Variants in NPAS2 observed in about 807,000 individuals in gnomAD.
NPAS2 encodes the protein neuronal PAS domain-containing protein 2.
A neutral mutation model predicts 107.5 loss-of-function variants in NPAS2; 23 were observed. The ratio of observed to expected loss-of-function variants is 0.21; its 90% CI spans 0.15 to 0.30. The LOEUF is 0.30. Ranked by LOEUF, NPAS2 falls within the 10% of genes least tolerant of loss-of-function variation. NPAS2 has a pLI of 1.00. For synonymous variants in NPAS2, 403 were observed against 417.5 expected (o/e 0.97, Z 0.42); for missense variants, 756 against 1,043.3 (o/e 0.72, Z 3.79).
At chr2:100,884,771 C>G (rs1260867284) in intron 1 of NPAS2, among the ~76,000 whole-genome samples, 1 of 151,960 alleles carries the variant, frequency 6.6e-6, no homozygotes, top group South Asian at 2.1e-4. Flanking sequence ...GGAGGAAAGA[C>G]TCAAAGGAGT....
chr2:100,818,961 T>A (rs1395859572), upstream of NPAS2, among the ~76,000 whole-genome samples: 1 of 152,146 alleles, frequency 6.6e-6, no homozygotes, highest in Non-Finnish European at 1.5e-5. Context: ...TCTCCGGTTT[T>A]CACCGGCTCT....
chr2:100,977,791 A>G lies in NPAS2; in HGVS notation c.1474A>G (p.Met492Val), dbSNP rs200963442. The change falls in exon 15 of 21, where the codon ATG becomes GTG. Residue 492 changes from methionine (M) to valine (V), a missense_variant. Met to Val is a conservative substitution (Grantham distance 21). This residue lies in a region of NPAS2 where 496 missense variants were observed against 594.4 expected (regional missense o/e 0.83). Transcript: ENST00000335681. The stretch of plus-strand genomic sequence containing the variant: ...CGTTCTGCAGAGCACGCCCGCTCCC[A>G]TGGCACAGGTGAGTCTGGGACCCAG... ...QTVLQSTPAP[M>V]AQFSAQFSMF... The G allele has an allele frequency of 1.2e-6, 2 of 1,613,794 alleles. No homozygotes were observed. The highest frequency in any genetic ancestry group is 1.7e-6 in the Non-Finnish European group (2 of 1,179,924).
At chr2:100,892,695 A>G (rs1327353998) in intron 1 of NPAS2, among the ~76,000 whole-genome samples, 1 of 152,062 alleles carries the variant, frequency 6.6e-6, no homozygotes, top group Non-Finnish European at 1.5e-5. Context: ...TTCACTGTCC[A>G]TCTCCTTTAG....
At chr2:100,879,107 T>C (rs1195234957) in intron 1 of NPAS2, among the ~76,000 whole-genome samples, 1 of 149,732 alleles carries the variant, frequency 6.7e-6, no homozygotes, top group Non-Finnish European at 1.5e-5. Context: ...AGCGAGACTC[T>C]GTCTCAAAAA....
At chr2:100,933,906 G>A (rs573429937) in intron 4 of NPAS2, among the ~76,000 whole-genome samples, 1 of 152,276 alleles carries the variant, frequency 6.6e-6, no homozygotes, top group African/African-American at 2.4e-5. Context: ...TTTGGAGAGT[G>A]GTTTCTGGGG....
upstream of NPAS2, among the ~76,000 whole-genome samples, chr2:100,819,287 G>A (rs1185987623): frequency 6.6e-6 from 1 of 152,176 alleles, no homozygotes; most frequent in Non-Finnish European, 1.5e-5. The surrounding 1 kb of genome is among the most constrained non-coding windows in gnomAD (Gnocchi z 5.8). Flanking sequence ...CCCGCTCCTG[G>A]CCGCAGCCCC....
chr2:100,937,907 A>G (rs1296291107), intron 5 of NPAS2, 65 bp downstream of exon 5: 3 of 1,235,340 alleles, frequency 2.4e-6, no homozygotes, highest in Non-Finnish European at 3.6e-6. Flanking sequence ...GAATCATTAG[A>G]TCTCAGATGG....
At chr2:100,865,515 C>A (rs1478186728) in intron 1 of NPAS2, among the ~76,000 whole-genome samples, 2 of 152,208 alleles carry the variant, frequency 1.3e-5, no homozygotes, top group Non-Finnish European at 2.9e-5. Context: ...ACATAGTCTA[C>A]TTTGTAGGAC....
At chr2:100,854,469 A>G (rs941493113) in intron 1 of NPAS2, among the ~76,000 whole-genome samples, 4 of 152,228 alleles carry the variant, frequency 2.6e-5, no homozygotes, top group East Asian at 3.8e-4. Flanking sequence ...GAGACAGACT[A>G]TGACTCTAGA....
chr2:100,974,373 G>A (rs575890158), intron 12 of NPAS2, among the ~76,000 whole-genome samples: 1 of 152,268 alleles, frequency 6.6e-6, no homozygotes, highest in Non-Finnish European at 1.5e-5. Flanking sequence ...TGAGTAACAG[G>A]AGAAAGCCTG....
chr2:100,963,354 C>A (rs946969231), intron 7 of NPAS2, among the ~76,000 whole-genome samples: 4 of 152,134 alleles, frequency 2.6e-5, no homozygotes, highest in African/African-American at 9.7e-5. Context: ...GTATTCAAAC[C>A]GTTACTGCAG....
intron 2 of NPAS2, among the ~76,000 whole-genome samples, chr2:100,909,943 C>T (rs894828047): frequency 5.9e-5 from 9 of 152,104 alleles, no homozygotes; most frequent in Admixed American, 5.9e-4. Flanking sequence ...AGGGGCCTCC[C>T]TCTGCTGAGG....
chr2:100,957,937 A>G (rs985972007), intron 7 of NPAS2, among the ~76,000 whole-genome samples: 1 of 152,140 alleles, frequency 6.6e-6, no homozygotes, highest in Admixed American at 6.5e-5. Flanking sequence ...CAAAAAAAAA[A>G]GGTCTTTGCT....
chr2:100,904,016 T>C (rs763758611), intron 1 of NPAS2, among the ~76,000 whole-genome samples: 3 of 152,166 alleles, frequency 2.0e-5, no homozygotes, highest in Non-Finnish European at 4.4e-5. Flanking sequence ...GATTGTTACG[T>C]AATCTTTCAC....
At chr2:100,922,901 G>A (rs970741805) in intron 2 of NPAS2, among the ~76,000 whole-genome samples, 2 of 152,120 alleles carry the variant, frequency 1.3e-5, no homozygotes, top group Non-Finnish European at 2.9e-5. Context: ...CATTGAAGAC[G>A]AGAACAGAGC....
intron 1 of NPAS2, among the ~76,000 whole-genome samples, chr2:100,822,299 A>G (rs529375123): frequency 6.6e-6 from 1 of 152,350 alleles, no homozygotes; most frequent in African/African-American, 2.4e-5. Flanking sequence ...TGTTCAGATG[A>G]TGACTAAAGA....
intron 1 of NPAS2, among the ~76,000 whole-genome samples, chr2:100,896,480 C>G (rs142334448): frequency 1.3e-5 from 2 of 152,158 alleles, no homozygotes; most frequent in Admixed American, 1.3e-4. Flanking sequence ...CTATAGCCAG[C>G]CCATTCCACC....
chr2:100,830,375 AG>A (rs1412045712), intron 1 of NPAS2, among the ~76,000 whole-genome samples: 1 of 152,138 alleles, frequency 6.6e-6, no homozygotes, highest in Non-Finnish European at 1.5e-5. Flanking sequence ...CACAATGCGC[AG>A]GTTAGTTACA....
chr2:100,935,137 G>C (rs1186213767), intron 4 of NPAS2: 62 of 970,008 alleles, frequency 6.4e-5, no homozygotes, highest in Non-Finnish European at 7.4e-5. Flanking sequence ...AGCTGGTAAA[G>C]TATCAGCTGG....
Sources: gnomAD v4.1 joint callset for allele counts (sites outside exome capture counted in the v4.1 genomes callset) on GRCh38, gnomAD v4.1.1 for gene constraint, gnomAD v4.1.1 regional missense constraint, Gnocchi (gnomAD v3.1) non-coding constraint, MANE v1.5 for transcripts, NCBI Gene and HGNC (gene_info 2026-07-23, HGNC 2026-07-21) for gene names.